Variants in CIBAR2 observed in about 807,000 individuals in gnomAD.
The protein encoded by CIBAR2 is CBY1 interacting BAR domain containing 2.
A neutral mutation model predicts 36.2 loss-of-function variants in CIBAR2; 38 were observed. That is an observed-to-expected ratio of 1.05 (90% CI 0.81 to 1.38). CIBAR2 has a LOEUF of 1.38. Among genes scored for constraint, CIBAR2 ranks in the 40% most tolerant of loss-of-function variants. The pLI, the probability that CIBAR2 is intolerant of heterozygous loss-of-function variation, is 0.00. For synonymous variants in CIBAR2, 182 were observed against 149.5 expected, an observed-to-expected ratio of 1.22 and a Z score of -1.58; for missense variants, 481 against 383.4, an observed-to-expected ratio of 1.25 and a Z score of -2.13.
chr16:85,111,731 C>G (rs1360759938), intron 1 of CIBAR2, among the ~76,000 whole-genome samples: 2 of 152,240 alleles, frequency 1.3e-5, no homozygotes, highest in Admixed American at 1.3e-4. Context: ...GTAGTCCCAG[C>G]TACTTGGGAG....
At chr16:85,103,598 C>T (rs2073971909) in intron 6 of CIBAR2, among the ~76,000 whole-genome samples, 1 of 152,220 alleles carries the variant, frequency 6.6e-6, no homozygotes, top group African/African-American at 2.4e-5. Context: ...GCCCACCCAG[C>T]CCCAGACACA....
At chr16:85,111,225 A>G (rs1463371288) in intron 1 of CIBAR2, among the ~76,000 whole-genome samples, 2 of 152,090 alleles carry the variant, frequency 1.3e-5, no homozygotes, top group African/African-American at 4.8e-5. Context: ...CCCTGACTCG[A>G]GAAACGCCCT....
chr16:85,110,568 CT>C (rs1357075644), intron 1 of CIBAR2, 108 bp from the exon 2 acceptor site: 1 of 785,494 alleles, frequency 1.3e-6, no homozygotes, highest in Non-Finnish European at 2.0e-6. Context: ...CAGCCGGCCT[CT>C]GGTGTGGCAC....
At chr16:85,100,364 G>C in intron 7 of CIBAR2, 124 bp from the exon 8 acceptor site, 1 of 606,024 alleles carries the variant, frequency 1.7e-6, no homozygotes, top group East Asian at 2.9e-5. Context: ...GGAACTCCAC[G>C]GTCCTCTCCA....
At chr16:85,108,184 G>A in intron 2 of CIBAR2, 85 bp from the exon 3 acceptor site, 1 of 1,279,582 alleles carries the variant, frequency 7.8e-7, no homozygotes, top group African/African-American at 1.5e-5. Context: ...CCGGCACCCG[G>A]GAGCCGCGTG....
Position 85,108,108 on chromosome 16 carries a change from G to A in CIBAR2, c.256-9C>T. ...GTCTCCAGCCTCTCGACCTGGGGGAGCGGGGACACCAGGGGATCTGAGCGC... is the reference window on the plus strand; with the variant it reads ...GTCTCCAGCCTCTCGACCTGGGGGAACGGGGACACCAGGGGATCTGAGCGC... On this transcript the variant is annotated splice_polypyrimidine_tract_variant and intron_variant, in intron 2 of 8. Coordinates refer to ENST00000539556, the MANE Select transcript of CIBAR2 (RefSeq NM_198491.3). The A allele has an allele frequency of 6.2e-7, 1 of 1,605,590 alleles. No homozygotes were observed. The highest frequency in any genetic ancestry group is 8.5e-7 in the Non-Finnish European group (1 of 1,175,830).
intron 2 of CIBAR2, 129 bp downstream of exon 2, chr16:85,110,097 C>T (rs1029283541): frequency 2.5e-5 from 16 of 643,350 alleles, no homozygotes; most frequent in African/African-American, 1.8e-5. Context: ...TGTCCATTGT[C>T]GGTGGATGTC....
chr16:85,100,623 T>G (rs1241090945), intron 7 of CIBAR2, among the ~76,000 whole-genome samples: 4 of 152,178 alleles, frequency 2.6e-5, no homozygotes, highest in Non-Finnish European at 1.5e-5. Context: ...ACTCAGATGA[T>G]CTGATGCTTC....
At chr16:85,100,098 C>T (rs779033165) in intron 8 of CIBAR2, 41 bp downstream of exon 8, 10 of 1,516,390 alleles carry the variant, frequency 6.6e-6, no homozygotes, top group East Asian at 4.6e-5. Context: ...AGGCCGTGCA[C>T]GACATTTTAG....
At chr16:85,107,095 G>A (rs550103347) in intron 5 of CIBAR2, among the ~76,000 whole-genome samples, 39 of 152,048 alleles carry the variant, frequency 2.6e-4, no homozygotes, top group African/African-American at 7.7e-4. Context: ...GCAGTGAGCC[G>A]AGACTCTGCC....
rs749987602 is a variant in CIBAR2 at position 85,110,208 on chromosome 16, C to T, written c.255+18G>A. The T allele has an allele frequency of 5.2e-5, 79 of 1,531,742 alleles. No individual in the cohort carries two copies. The highest frequency in any genetic ancestry group is 2.5e-5 in the South Asian group (2 of 80,508). 94.9% of individuals were successfully genotyped at this position (1,531,742 alleles called of 1,614,324 possible). A position where few individuals can be genotyped will look rare whatever the true frequency, so the allele number is the denominator to read the frequency against. ...TGGGTACCCCTCAGCATCCCAGACC[C>T]GGGCCGGCAGCACTCACCTGGGCCT... On this transcript the variant is annotated intron_variant, in intron 2 of 8. Coordinates refer to ENST00000539556, the MANE Select transcript of CIBAR2 (RefSeq NM_198491.3).
intron 5 of CIBAR2, among the ~76,000 whole-genome samples, chr16:85,106,774 C>T (rs946347391): frequency 6.6e-6 from 1 of 152,210 alleles, no homozygotes; most frequent in African/African-American, 2.4e-5. Flanking sequence ...GAACTTAACA[C>T]TTTCTAGCAG....
At chr16:85,103,105 G>T (rs569977931) in intron 6 of CIBAR2, among the ~76,000 whole-genome samples, 31 of 152,278 alleles carry the variant, frequency 2.0e-4, no homozygotes, top group African/African-American at 6.7e-4. Flanking sequence ...GTTTCACAAT[G>T]TTGGCCAGGA....
intron 6 of CIBAR2, 52 bp downstream of exon 6, chr16:85,105,275 C>G: frequency 9.1e-7 from 1 of 1,103,694 alleles, no homozygotes; most frequent in Non-Finnish European, 1.4e-6. Flanking sequence ...CGTGCATGCA[C>G]ACACACACAA....
intron 2 of CIBAR2, among the ~76,000 whole-genome samples, chr16:85,108,927 C>T (rs149109839): frequency 6.6e-6 from 1 of 152,020 alleles, no homozygotes; most frequent in Admixed American, 6.6e-5. Context: ...ATTTTACAAT[C>T]GGGAATGTCT....
chr16:85,100,730 G>T (rs2144152335), intron 7 of CIBAR2, among the ~76,000 whole-genome samples: 1 of 152,294 alleles, frequency 6.6e-6, no homozygotes, highest in South Asian at 2.1e-4. Context: ...GCCACACTGG[G>T]TTACTGCTGA....
intron 8 of CIBAR2, 44 bp downstream of exon 8, chr16:85,100,095 G>T (rs377580020): frequency 1.6e-5 from 24 of 1,489,026 alleles, no homozygotes; most frequent in Middle Eastern, 1.8e-4. Context: ...TCCAGGCCGT[G>T]CACGACATTT....
chr16:85,099,461 G>C, intron 8 of CIBAR2, 115 bp from the exon 9 acceptor site: 1 of 676,872 alleles, frequency 1.5e-6, no homozygotes. Flanking sequence ...TCTGGAACCC[G>C]CGGGCCCACG....
intron 7 of CIBAR2, among the ~76,000 whole-genome samples, chr16:85,101,854 G>A (rs2073958176): frequency 6.6e-6 from 1 of 151,992 alleles, no homozygotes; most frequent in Non-Finnish European, 1.5e-5. Flanking sequence ...TTTTAGTAGA[G>A]ACAGAATTTC....
Sources: allele counts gnomAD v4.1 joint callset (sites outside exome capture counted in the v4.1 genomes callset), GRCh38; gene constraint gnomAD v4.1.1; transcripts MANE v1.5; gene names NCBI Gene and HGNC (gene_info 2026-07-23, HGNC 2026-07-21).